The following ALMS1 variants were observed in gnomAD, a reference collection of about 807,000 sequenced individuals.
ALMS1 encodes the protein ALMS1 centrosome and basal body associated protein, also known as centrosome-associated protein ALMS1.
Under a neutral mutation model 352.2 loss-of-function variants are expected in ALMS1, and 271 were observed. The observed-to-expected ratio is 0.77, with a 90% confidence interval of 0.70 to 0.85. ALMS1 has a LOEUF of 0.85. Among genes scored for constraint, ALMS1 ranks in the 40% least tolerant of loss-of-function variants. The pLI is 0.00. For missense variants in ALMS1, 5,445 were observed against 4,870.7 expected (o/e 1.12, Z -3.51); for synonymous variants, 1,865 against 1,761.2 (o/e 1.06, Z -1.48).
At chr2:73,537,173 A>G (rs1396672308) in intron 12 of ALMS1, among the ~76,000 whole-genome samples, 1 of 152,236 alleles carries the variant, frequency 6.6e-6, no homozygotes, top group Non-Finnish European at 1.5e-5. Context: ...TTTACAGACA[A>G]GTATTTTAAT....
At chr2:73,428,046 T>A (rs1351715085) in intron 6 of ALMS1, among the ~76,000 whole-genome samples, 1 of 152,194 alleles carries the variant, frequency 6.6e-6, no homozygotes, top group Non-Finnish European at 1.5e-5. Context: ...TTATTAAAGT[T>A]TTTTTAACAC....
intron 16 of ALMS1, among the ~76,000 whole-genome samples, chr2:73,581,862 A>G (rs1675187317): frequency 6.6e-6 from 1 of 151,346 alleles, no homozygotes; most frequent in Non-Finnish European, 1.5e-5. Flanking sequence ...CTTCTGCCTC[A>G]GCCTACCGAG....
At chr2:73,475,991 A>G (rs1269066212) in intron 9 of ALMS1, among the ~76,000 whole-genome samples, 3 of 151,972 alleles carry the variant, frequency 2.0e-5, no homozygotes, top group East Asian at 1.9e-4. Flanking sequence ...ACCAATCTCT[A>G]TAGCTTTTTA....
chr2:73,571,129 T>G (rs1219807555), intron 15 of ALMS1, among the ~76,000 whole-genome samples: 1 of 152,226 alleles, frequency 6.6e-6, no homozygotes, highest in Non-Finnish European at 1.5e-5. Context: ...CTACATACTT[T>G]AGGTATAAAT....
At chr2:73,390,135 A>G (rs1670613386) in intron 1 of ALMS1, among the ~76,000 whole-genome samples, 1 of 152,164 alleles carries the variant, frequency 6.6e-6, no homozygotes, top group Admixed American at 6.5e-5. Flanking sequence ...TATAGAATAT[A>G]TAGATGATTT....
chr2:73,558,035 G>A (rs1674580340), intron 14 of ALMS1, among the ~76,000 whole-genome samples: 1 of 152,108 alleles, frequency 6.6e-6, no homozygotes, highest in Non-Finnish European at 1.5e-5. Flanking sequence ...AGGAAGAAAG[G>A]AAAGGAAAAA....
At chr2:73,541,892 A>G (rs1046656317) in intron 12 of ALMS1, among the ~76,000 whole-genome samples, 3 of 152,210 alleles carry the variant, frequency 2.0e-5, no homozygotes, top group African/African-American at 7.2e-5. Context: ...TACCAACCAA[A>G]AAAAGTCCAG....
chr2:73,450,470 G>T lies in ALMS1; in HGVS notation c.3943G>T (p.Ala1315Ser). 2 of 1,611,212 alleles carry T rather than the reference G, an allele frequency of 1.2e-6. No individual in the cohort carries two copies. Among genetic ancestry groups the T allele is most frequent in the South Asian group, 1.1e-5 (1 of 90,962 alleles). ...HLTEEAKNVS[A>S]VPGPADQKTV... ...AACTGAAGAGGCTAAGAATGTTTCA[G>T]CGGTTCCTGGACCAGCTGACCAGAA... Residue 1315 changes from alanine to serine, a missense_variant, in exon 8 of 23, where the codon GCG becomes TCG. Physicochemically the swap from Ala to Ser is moderately conservative, Grantham distance 99. Transcript: ENST00000613296.
intron 10 of ALMS1, among the ~76,000 whole-genome samples, chr2:73,508,129 T>C (rs1243498591): frequency 1.3e-5 from 2 of 149,238 alleles, no homozygotes; most frequent in Non-Finnish European, 3.0e-5. Context: ...TCTTTTCCTT[T>C]CCTTTCCCTT....
intron 16 of ALMS1, among the ~76,000 whole-genome samples, chr2:73,587,455 A>G (rs746066530): frequency 6.6e-6 from 1 of 152,152 alleles, no homozygotes; most frequent in East Asian, 1.9e-4. Flanking sequence ...TGTCCTTTCT[A>G]TGCCGATTTT....
chr2:73,403,716 T>A (rs539811744), intron 1 of ALMS1, among the ~76,000 whole-genome samples: 3 of 152,300 alleles, frequency 2.0e-5, no homozygotes, highest in Admixed American at 6.5e-5. Flanking sequence ...AGTATTGTAG[T>A]TTTCAGTAGA....
chr2:73,595,437 A>G (rs1368682699), intron 16 of ALMS1, among the ~76,000 whole-genome samples: 6 of 152,076 alleles, frequency 3.9e-5, no homozygotes, highest in Non-Finnish European at 2.9e-5. Flanking sequence ...TGTTAACATC[A>G]TGATTTCAAG....
rs1167552818 is a variant in ALMS1, at chr2:73,467,952, C to T, written c.7674+12657C>T. On this transcript the variant is annotated intron_variant, in intron 9 of 22. Transcript: ENST00000613296. ...AGGTGTGTGGTATTGACTGGGAAGA[C>T]GCACAAGAGGTCTTCTCAGGTATAG... is the stretch of plus-strand genomic sequence containing the variant. Among the ~76,000 whole-genome samples, 6 of 151,972 alleles carry T rather than the reference C, an allele frequency of 3.9e-5. 1 individual carries two copies. Among genetic ancestry groups the T allele is most frequent in the South Asian group, 2.1e-4 (1 of 4,828 alleles).
chr2:73,453,778 T>C lies in ALMS1; in HGVS notation c.7251T>C (p.Ser2417=), dbSNP rs749598548. 7 of 1,614,122 alleles carry C rather than the reference T, an allele frequency of 4.3e-6. No individual in the cohort carries two copies. Among genetic ancestry groups the C allele is most frequent in the Non-Finnish European group, 5.1e-6 (6 of 1,180,000 alleles). Residue 2417 remains serine, a synonymous_variant, in exon 8 of 23, where the codon AGT becomes AGC. Coordinates refer to ENST00000613296, the MANE Select transcript of ALMS1 (RefSeq NM_001378454.1). ...MMTVIKSDSS[S]DASDGNGSCS... is the part of the protein sequence containing the mutation. ...CTGTCATAAAAAGTGATTCAAGTAGTGATGCCAGTGATGGAAATGGTTCCT... is the reference window on the plus strand; with the variant it reads ...CTGTCATAAAAAGTGATTCAAGTAGCGATGCCAGTGATGGAAATGGTTCCT...
In ALMS1 at chr2:73,572,868, G is replaced by C; in HGVS notation, c.10991G>C (p.Ser3664Thr). Reference protein sequence around the residue: ...SRGERSVKEWSGRQQQRNKLQ... With the variant: ...SRGERSVKEWTGRQQQRNKLQ... ...GGGGAACGAAGTGTGAAGGAATGGA[G>C]TGGTAGACAACAGCAGAGAAATAAG... is the stretch of plus-strand genomic sequence containing the variant. The change falls in exon 16 of 23, where the codon AGT becomes ACT. Residue 3664 changes from serine (S) to threonine (T), a missense_variant. Transcript: ENST00000613296. The C allele has an allele frequency of 6.2e-7, 1 of 1,614,098 alleles. No homozygotes were observed. The highest frequency in any genetic ancestry group is 8.5e-7 in the Non-Finnish European group (1 of 1,180,010).
chr2:73,519,958 T>C lies in ALMS1; in HGVS notation c.9723T>C (p.Pro3241=), dbSNP rs2103962527. 1.2e-6 allele frequency: 2 copies of C among 1,614,086 alleles called. No individual in the cohort carries two copies. The highest frequency in any genetic ancestry group is 1.7e-5 in the Admixed American group (1 of 60,030). The change falls in exon 11 of 23, where the codon CCT becomes CCC. Residue 3241 remains proline, a synonymous_variant. Coordinates refer to ENST00000613296, the MANE Select transcript of ALMS1 (RefSeq NM_001378454.1). ...EPGNQKLRKA[P]VKFASSSSVQ... Reference sequence around the variant, plus strand: ...GTAACCAGAAGCTACGCAAAGCTCCTGTCAAGTTTGCCTCATCATCTTCAG... The same window carrying C: ...GTAACCAGAAGCTACGCAAAGCTCCCGTCAAGTTTGCCTCATCATCTTCAG...
intron 10 of ALMS1, among the ~76,000 whole-genome samples, chr2:73,505,564 GTTGT>G (rs1320828630): frequency 2.6e-5 from 4 of 152,164 alleles, no homozygotes; most frequent in East Asian, 3.9e-4. Context: ...TTTTGATGGG[GTTGT>G]TTGTTTTTTT....
intron 11 of ALMS1, among the ~76,000 whole-genome samples, chr2:73,522,505 C>G (rs1673702983): frequency 8.1e-6 from 1 of 123,558 alleles, no homozygotes; most frequent in South Asian, 2.7e-4. Flanking sequence ...GAGTCTCACT[C>G]TATCTCCAGG....
intron 1 of ALMS1, among the ~76,000 whole-genome samples, chr2:73,396,382 T>G (rs1448289304): frequency 6.6e-6 from 1 of 151,830 alleles, no homozygotes; most frequent in African/African-American, 2.4e-5. Flanking sequence ...ATTTGTAAGA[T>G]ATATTGGTCT....
Sources: allele counts gnomAD v4.1 joint callset (sites outside exome capture counted in the v4.1 genomes callset), GRCh38; gene constraint gnomAD v4.1.1; transcripts MANE v1.5; gene names NCBI Gene and HGNC (gene_info 2026-07-23, HGNC 2026-07-21).